Variants in NPTN observed in about 807,000 individuals in gnomAD.
The protein encoded by NPTN is SDR-1.
A neutral mutation model predicts 42.7 loss-of-function variants in NPTN; 5 were observed. The observed-to-expected ratio is 0.12, with a 90% CI of 0.06 to 0.25. The LOEUF (loss-of-function observed/expected upper bound fraction) is 0.25, where lower values mean the gene tolerates loss of function less well. Ranked by LOEUF, NPTN falls within the 10% of genes least tolerant of loss-of-function variation. The pLI is 1.00. For synonymous variants in NPTN, 180 were observed against 201.9 expected, an observed-to-expected ratio of 0.89 and a Z score of 0.92; for missense variants, 307 against 525.4, an observed-to-expected ratio of 0.58 and a Z score of 4.06.
intron 3 of NPTN, among the ~76,000 whole-genome samples, chr15:73,591,049 C>T (rs1455679042): frequency 6.6e-6 from 1 of 152,134 alleles, no homozygotes; most frequent in African/African-American, 2.4e-5. Flanking sequence ...GGTTCTAGAA[C>T]TTATTAAAAT....
At chr15:73,588,387 C>A (rs528699412) in intron 3 of NPTN, among the ~76,000 whole-genome samples, 1 of 152,074 alleles carries the variant, frequency 6.6e-6, no homozygotes, top group Non-Finnish European at 1.5e-5. Context: ...TAGGAGCATG[C>A]GTTTCCACAA....
intron 1 of NPTN, among the ~76,000 whole-genome samples, chr15:73,606,777 G>C (rs1897311966): frequency 6.6e-6 from 1 of 152,164 alleles, no homozygotes; most frequent in South Asian, 2.1e-4. Flanking sequence ...CAATATACTA[G>C]AAAGCTTTAA....
rs200404677 is a variant in NPTN, at chr15:73,562,989, GA to G, written c.1136+246del. On this transcript the variant is annotated intron_variant, in intron 7 of 8. Coordinates refer to ENST00000345330, the MANE Select transcript of NPTN (RefSeq NM_012428.4). ...TAAGTATATCAAATACACAAAATTT[GA>G]AAAAAAAAAAAGTTTTTTGCATGGT... 5.9e-3 allele frequency among the ~76,000 whole-genome samples: 841 copies of G among 142,812 alleles called. 5 individuals are homozygous for G. Among genetic ancestry groups the G allele is most frequent in the African/African-American group, 0.017 (653 of 39,158 alleles). 93.7% of individuals were successfully genotyped at this position (142,812 alleles called of 152,430 possible).
chr15:73,597,430 A>C lies in NPTN; in HGVS notation c.92-61T>G. The C allele has an allele frequency of 1.6e-6, 2 of 1,236,590 alleles. No homozygotes were observed. The highest frequency in any genetic ancestry group is 2.3e-6 in the Non-Finnish European group (2 of 880,576). The allele number at this position is 1,236,590 out of a possible 1,614,324, so 76.6% of individuals were successfully genotyped here. On this transcript the variant is annotated intron_variant, in intron 1 of 8. Coordinates refer to ENST00000345330, the MANE Select transcript of NPTN (RefSeq NM_012428.4). This position sits in a 1 kb window ranked among gnomAD's most constrained non-coding sequence, Gnocchi z 6.3. ...CAATCAGAAAAAAAAAAAAGAATCA[A>C]CAGGTGTTAATAGTAATTTAAAGAA...
At chr15:73,582,803 A>G (rs1483348954) in intron 4 of NPTN, among the ~76,000 whole-genome samples, 3 of 152,172 alleles carry the variant, frequency 2.0e-5, no homozygotes, top group Non-Finnish European at 4.4e-5. Context: ...AAATTTTCCA[A>G]TAACACTAGG....
rs1006682189 is a variant in NPTN, at chr15:73,633,274, G to A, written c.-59C>T. Reference sequence around the variant, plus strand: ...CGGGGCCAGAGCCGGGGCCGGGGAAGGGAGGGGAGGGAGGGAGGGGGCGGG... The same window carrying A: ...CGGGGCCAGAGCCGGGGCCGGGGAAAGGAGGGGAGGGAGGGAGGGGGCGGG... On this transcript the variant is annotated 5_prime_UTR_variant, in exon 1 of 9. Coordinates refer to ENST00000345330, the MANE Select transcript of NPTN (RefSeq NM_012428.4). 2.6e-6 allele frequency: 3 copies of A among 1,173,710 alleles called. No individual in the cohort carries two copies. Among genetic ancestry groups the A allele is most frequent in the Non-Finnish European group, 3.5e-6 (3 of 857,818 alleles). The allele number at this position is 1,173,710 out of a possible 1,614,324, so 72.7% of individuals were successfully genotyped here. A position where few individuals can be genotyped will look rare whatever the true frequency, so the allele number is the denominator to read the frequency against.
chr15:73,632,954 C>T (rs933666793), intron 1 of NPTN, 171 bp downstream of exon 1: 3 of 474,830 alleles, frequency 6.3e-6, no homozygotes, highest in African/African-American at 6.1e-5. Context: ...GGTCCTCACA[C>T]CCGCGCCTCC....
chr15:73,563,248 G>A lies in NPTN; in HGVS notation c.1124C>T (p.Pro375Leu), dbSNP rs1894790421. 2 of 1,605,256 alleles carry A rather than the reference G, an allele frequency of 1.2e-6. No individual in the cohort carries two copies. The highest frequency in any genetic ancestry group is 2.2e-5 in the East Asian group (1 of 44,804). Residue 375 changes from proline to leucine, a missense_variant, in exon 7 of 9, where the codon CCA becomes CTA. This residue lies in a region of NPTN where 264 missense variants were observed against 491.1 expected (regional missense o/e 0.54). Transcript: ENST00000345330. ...ATAAAGTACTTACATTGGTCCAGCTGGTTCATCATCTACATGGTGTTCAGT... is the reference window on the plus strand; with the variant it reads ...ATAAAGTACTTACATTGGTCCAGCTAGTTCATCATCTACATGGTGTTCAGT... ...RPDEVPDDDEPAGPMKTNSTN... is the reference protein window; with the variant it reads ...RPDEVPDDDELAGPMKTNSTN...
At chr15:73,580,422 A>ATATATATAT (rs1491494217) in intron 4 of NPTN, among the ~76,000 whole-genome samples, 5 of 102,142 alleles carry the variant, frequency 4.9e-5, no homozygotes, top group African/African-American at 1.6e-4. Context: ...TATATATATA[A>ATATATATAT]TATATATATA....
chr15:73,616,915 A>C (rs1228810820), intron 1 of NPTN, among the ~76,000 whole-genome samples: 2 of 152,200 alleles, frequency 1.3e-5, no homozygotes, highest in African/African-American at 4.8e-5. Context: ...ACTGGATAAA[A>C]TTGAAGTAGT....
chr15:73,619,361 A>G (rs1185714745), intron 1 of NPTN, among the ~76,000 whole-genome samples: 1 of 152,240 alleles, frequency 6.6e-6, no homozygotes, highest in Non-Finnish European at 1.5e-5. Flanking sequence ...AACTTTCAAA[A>G]CATTCACTGG....
intron 1 of NPTN, among the ~76,000 whole-genome samples, chr15:73,618,792 C>T (rs1897984074): frequency 1.3e-5 from 2 of 152,174 alleles, no homozygotes; most frequent in African/African-American, 2.4e-5. Flanking sequence ...GCTGTGGTCT[C>T]ACCACTGACT....
rs1015471247 is a variant in NPTN at position 73,560,488 on chromosome 15, A to G, written c.*575T>C. The stretch of plus-strand genomic sequence containing the variant: ...CCCTTAAAATTATAGATTTCAGTTT[A>G]TATTACTCATCTTTATGTACCAGAA... On this transcript the variant is annotated 3_prime_UTR_variant, in exon 9 of 9. Transcript: ENST00000345330. 9 of 152,598 alleles carry G rather than the reference A, an allele frequency of 5.9e-5. No individual in the cohort carries two copies. Among genetic ancestry groups the G allele is most frequent in the African/African-American group, 1.9e-4 (8 of 41,522 alleles). 9.5% of individuals were successfully genotyped at this position (152,598 alleles called of 1,614,324 possible).
chr15:73,620,810 T>G (rs1298548747), intron 1 of NPTN, among the ~76,000 whole-genome samples: 1 of 152,230 alleles, frequency 6.6e-6, no homozygotes, highest in Non-Finnish European at 1.5e-5. Flanking sequence ...TAGTATTCAA[T>G]TCACCATTAC....
intron 6 of NPTN, chr15:73,568,009 G>A (rs1876006593): frequency 3.0e-6 from 3 of 985,424 alleles, no homozygotes; most frequent in African/African-American, 1.7e-5. Context: ...GTTTAAAAGA[G>A]GTACTTTCCC....
At chr15:73,619,271 T>C (rs1036551286) in intron 1 of NPTN, among the ~76,000 whole-genome samples, 1 of 152,166 alleles carries the variant, frequency 6.6e-6, no homozygotes, top group African/African-American at 2.4e-5. Context: ...GAAAACTTTC[T>C]GCTGCTAAAA....
chr15:73,611,499 G>A (rs1181868109), intron 1 of NPTN, among the ~76,000 whole-genome samples: 1 of 152,034 alleles, frequency 6.6e-6, no homozygotes, highest in African/African-American at 2.4e-5. Context: ...AATCTGAAAA[G>A]GGTACACAGT....
chr15:73,610,307 G>A (rs748041804), intron 1 of NPTN, among the ~76,000 whole-genome samples: 29 of 152,214 alleles, frequency 1.9e-4, no homozygotes, highest in Non-Finnish European at 3.5e-4. Context: ...TGTACAGTAT[G>A]CTAGTCTCAA....
chr15:73,567,002 CTTTTTTT>C (rs10539085), intron 6 of NPTN: 70 of 829,294 alleles, frequency 8.4e-5, no homozygotes, highest in Non-Finnish European at 8.6e-5. Context: ...AGACATGGGG[CTTTTTTT>C]TTTTTTTTTT....
Sources: gnomAD v4.1 joint callset for allele counts (sites outside exome capture counted in the v4.1 genomes callset) on GRCh38, gnomAD v4.1.1 for gene constraint, gnomAD v4.1.1 regional missense constraint, Gnocchi (gnomAD v3.1) non-coding constraint, MANE v1.5 for transcripts, NCBI Gene and HGNC (gene_info 2026-07-23, HGNC 2026-07-21) for gene names.